The following ACE variants were observed in gnomAD, a reference collection of about 807,000 sequenced individuals.
The protein encoded by ACE is angiotensin-converting enzyme.
Under a neutral mutation model 162.3 loss-of-function variants are expected in ACE, and 122 were observed. That is an observed-to-expected ratio of 0.75 (90% confidence interval 0.65 to 0.87). The LOEUF is 0.87. Among genes scored for constraint, ACE ranks in the 40% least tolerant of loss-of-function variants. The pLI, the probability that ACE is intolerant of heterozygous loss-of-function variation, is 0.00. For missense variants in ACE, 1,799 were observed against 1,735.1 expected (o/e 1.04, Z -0.65); for synonymous variants, 796 against 720.6 (o/e 1.10, Z -1.68).
At position 63,490,910 on chromosome 17, in the gene ACE, C is replaced by T. The variant is rs1200149146; in HGVS notation, c.2642-44C>T. 3.2e-6 allele frequency: 5 copies of T among 1,585,890 alleles called. No individual in the cohort carries two copies. The Admixed American group carries it at 6.7e-5, about 21-fold the overall frequency. On this transcript the variant is annotated intron_variant, in intron 17 of 24. Coordinates refer to ENST00000290866, the MANE Select transcript of ACE (RefSeq NM_000789.4). ...GCAGGAGGGCATTGAGCCTAAGTAA[C>T]ATTTGTCTTTCCTCTCTCTGCCGTC... is the stretch of plus-strand genomic sequence containing the variant.
Position 63,497,843 on chromosome 17 carries a change from C to T in ACE, c.*477C>T. The T allele has an allele frequency of 2.9e-6, 1 of 339,276 alleles. No homozygotes were observed. Among genetic ancestry groups the T allele is most frequent in the Non-Finnish European group, 5.7e-6 (1 of 174,594 alleles). The allele number at this position is 339,276 out of a possible 1,614,324, so 21.0% of individuals were successfully genotyped here. A position where few individuals can be genotyped will look rare whatever the true frequency, so the allele number is the denominator to read the frequency against. ...TCCTGCCACCGCAGGCAGCCCCTGT[C>T]TGGCCCAAGCACTGACCCACGCGGA... On this transcript the variant is annotated 3_prime_UTR_variant, in exon 25 of 25. Coordinates refer to ENST00000290866, the MANE Select transcript of ACE (RefSeq NM_000789.4).
At chr17:63,494,306 C>A in intron 21 of ACE, 66 bp from the exon 22 acceptor site, 4 of 1,513,548 alleles carry the variant, frequency 2.6e-6, no homozygotes, top group South Asian at 1.1e-5. Context: ...TCCCTCAAGT[C>A]AAAAATGCCA....
intron 7 of ACE, 132 bp from the exon 8 acceptor site, chr17:63,482,334 T>C (rs1341490245): frequency 2.6e-6 from 2 of 767,026 alleles, no homozygotes; most frequent in Non-Finnish European, 4.5e-6. Context: ...GTTACTTGTT[T>C]CTACTGCGGC....
At position 63,491,101 on chromosome 17, in the gene ACE, C is replaced by T. The variant is rs776828504; in HGVS notation, c.2739+50C>T. ...AGGCCCCGCCGGGATGGGAGGGACC[C>T]TCTGATTCAGGAGTTCCCTCCAGTT... On this transcript the variant is annotated intron_variant, in intron 18 of 24. Transcript: ENST00000290866. This position sits in a 1 kb window ranked among gnomAD's most constrained non-coding sequence, Gnocchi z 4.4. 3.1e-6 allele frequency: 5 copies of T among 1,610,442 alleles called. No individual in the cohort carries two copies. Among genetic ancestry groups the T allele is most frequent in the Non-Finnish European group, 4.2e-6 (5 of 1,177,102 alleles).
intron 22 of ACE, among the ~76,000 whole-genome samples, chr17:63,495,276 T>C (rs1369170838): frequency 6.6e-6 from 1 of 152,144 alleles, no homozygotes; most frequent in Non-Finnish European, 1.5e-5. Flanking sequence ...GCAAGGCTGT[T>C]TGTGATCCGG....
rs546822379 is a variant in ACE at position 63,479,703 on chromosome 17, T to C, written c.512-66T>C. ...GAGCAGTAAGGACTGGTGCAGGCTC[T>C]GGTGAAGGCCGTTGAAGACTTCAAC... On this transcript the variant is annotated intron_variant, in intron 3 of 24. Transcript: ENST00000290866. The C allele has an allele frequency of 3.6e-4, 570 of 1,600,908 alleles. 8 individuals carry two copies. In the South Asian group the frequency reaches 6.0e-3, roughly 17 times the overall value.
rs775470950 is a variant in ACE at position 63,484,955 on chromosome 17, GAGGCATCCCAAC to G, written c.1922-277_1922-266del. On this transcript the variant is annotated intron_variant, in intron 12 of 24. Transcript: ENST00000290866. The surrounding 1 kb of genome is among the most constrained non-coding windows in gnomAD (Gnocchi z 4.0). ...GCACCCTCTGCTGGTCCCCAGCCAGGAGGCATCCCAACAGGTGACAGTCACCCATGGGACAAG... is the reference window on the plus strand; with the variant it reads ...GCACCCTCTGCTGGTCCCCAGCCAGGAGGTGACAGTCACCCATGGGACAAG... 5 of 1,602,586 alleles carry G rather than the reference GAGGCATCCCAAC, an allele frequency of 3.1e-6. No homozygotes were observed.
rs2029861446 is a variant in ACE, at chr17:63,483,922, C to T, written c.1660C>T (p.Leu554=). The T allele has an allele frequency of 6.2e-7, 1 of 1,614,168 alleles. No homozygotes were observed. Among genetic ancestry groups the T allele is most frequent in the Non-Finnish European group, 8.5e-7 (1 of 1,180,040 alleles). Residue 554 remains leucine (L), a synonymous_variant, in exon 11 of 25, where the codon CTG becomes TTG. Transcript: ENST00000290866. ...CAAGGAGGCAGGCTATGAGGGCCCA[C>T]TGCACCAGTGTGACATCTACCGGTC... ...LCKEAGYEGP[L]HQCDIYRSTK... is the part of the protein sequence containing the mutation.
intron 6 of ACE, 117 bp from the exon 7 acceptor site, chr17:63,481,449 C>A: frequency 8.4e-7 from 1 of 1,186,450 alleles, no homozygotes; most frequent in Non-Finnish European, 1.2e-6. Context: ...GGAATGGTGG[C>A]CACAGAGCAG....
At chr17:63,481,977 G>T (rs964138279) in intron 7 of ACE, among the ~76,000 whole-genome samples, 3 of 152,178 alleles carry the variant, frequency 2.0e-5, no homozygotes, top group Non-Finnish European at 4.4e-5. Flanking sequence ...AGGCCCAAGT[G>T]GTGGTGAGCC....
intron 6 of ACE, 149 bp downstream of exon 6, chr17:63,481,337 C>A: frequency 1.1e-6 from 1 of 910,498 alleles, no homozygotes; most frequent in Non-Finnish European, 1.7e-6. Context: ...GGTCGGCCCC[C>A]TCAGTGAGGT....
chr17:63,497,287 T>C lies in ACE; in HGVS notation c.3842T>C (p.Phe1281Ser), dbSNP rs1393052928. 6.4e-7 allele frequency: 1 copy of C among 1,555,060 alleles called. No individual in the cohort carries two copies. The highest frequency in any genetic ancestry group is 2.4e-5 in the East Asian group (1 of 41,754). ...VATLGLSQRL[F>S]SIRHRSLHRH... ...ACCCTGGGCCTCAGCCAGCGGCTCT[T>C]CAGCATCCGCCACCGCAGCCTCCAC... Residue 1281 changes from phenylalanine to serine, a missense_variant, in exon 25 of 25, where the codon TTC becomes TCC. Transcript: ENST00000290866.
rs777561376 is a variant in ACE, at chr17:63,497,161, A to G, written c.3716A>G (p.Asp1239Gly). 4 of 1,604,148 alleles carry G rather than the reference A, an allele frequency of 2.5e-6. No individual in the cohort carries two copies. Among genetic ancestry groups the G allele is most frequent in the Non-Finnish European group, 3.4e-6 (4 of 1,179,278 alleles). ...GCTCGCTCAGAAGGGCCCCTCCCAG[A>G]CAGCGGCCGCGTCAGCTTCCTGGGC... ...NSARSEGPLP[D>G]SGRVSFLGLD... The change falls in exon 25 of 25, where the codon GAC (aspartate) becomes GGC (glycine). Residue 1239 changes from aspartate (D) to glycine (G), a missense_variant. Transcript: ENST00000290866.
At position 63,489,033 on chromosome 17, in the gene ACE, C is replaced by G. The variant is rs1263864253; in HGVS notation, c.2542C>G (p.Leu848Val). The change falls in exon 17 of 25, where the codon CTC becomes GTC. Residue 848 changes from leucine (L) to valine (V), a missense_variant. By Grantham distance (32) the Leu-to-Val change is conservative. Transcript: ENST00000290866. The part of the protein sequence containing the change: ...LERLFQELQP[L>V]YLNLHAYVRR... ...GCGGCTCTTCCAGGAGCTGCAGCCACTCTACCTCAACCTGCATGCCTACGT... is the reference window on the plus strand; with the variant it reads ...GCGGCTCTTCCAGGAGCTGCAGCCAGTCTACCTCAACCTGCATGCCTACGT... 5 of 1,614,084 alleles carry G rather than the reference C, an allele frequency of 3.1e-6. No individual in the cohort carries two copies. Among genetic ancestry groups the G allele is most frequent in the Non-Finnish European group, 4.2e-6 (5 of 1,180,050 alleles).
chr17:63,496,241 C>G, intron 22 of ACE, 153 bp from the exon 23 acceptor site: 1 of 1,158,438 alleles, frequency 8.6e-7, no homozygotes, highest in Non-Finnish European at 1.3e-6. Flanking sequence ...GGGAGCTCAC[C>G]CTGATAGCTG....
chr17:63,478,912 A>G (rs2049661547), intron 2 of ACE, 95 bp from the exon 3 acceptor site: 3 of 1,059,988 alleles, frequency 2.8e-6, no homozygotes, highest in Admixed American at 2.0e-5. Context: ...TGTCCAAGCT[A>G]CATCCACTCT....
In ACE at chr17:63,497,844, T is replaced by TAATGATAC; in HGVS notation, c.*478_*479insAATGATAC. On this transcript the variant is annotated 3_prime_UTR_variant, in exon 25 of 25. Transcript: ENST00000290866. The stretch of plus-strand genomic sequence containing the variant: ...CCTGCCACCGCAGGCAGCCCCTGTC[T>TAATGATAC]GGCCCAAGCACTGACCCACGCGGAC... 1 of 336,978 alleles carries TAATGATAC rather than the reference T, an allele frequency of 3.0e-6. No individual in the cohort carries two copies. Among genetic ancestry groups the TAATGATAC allele is most frequent in the Non-Finnish European group, 5.8e-6 (1 of 173,138 alleles). 20.9% of individuals were successfully genotyped at this position (336,978 alleles called of 1,614,324 possible). A position where few individuals can be genotyped will look rare whatever the true frequency, so the allele number is the denominator to read the frequency against.
In ACE at chr17:63,479,869, C is replaced by T. The variant is rs773489735; in HGVS notation, c.612C>T (p.Tyr204=). 38 of 1,612,580 alleles carry T rather than the reference C, an allele frequency of 2.4e-5. No individual in the cohort carries two copies. The highest frequency in any genetic ancestry group is 4.5e-5 in the East Asian group (2 of 44,904). The change falls in exon 4 of 25, where the codon TAC becomes TAT. Residue 204 remains tyrosine, a synonymous_variant. Transcript: ENST00000290866. ...NAAGIPLKPL[Y]EDFTALSNEA... The stretch of plus-strand genomic sequence containing the variant: ...CGGGCATCCCGCTGAAACCGCTGTA[C>T]GAGGATTTCACTGCCCTCAGCAATG...
intron 1 of ACE, chr17:63,477,550 G>A (rs547466255): frequency 2.7e-4 from 92 of 342,510 alleles, no homozygotes; most frequent in African/African-American, 2.0e-3. Flanking sequence ...GGATGGATGA[G>A]GGTGGCTGCT....
Sources: allele counts gnomAD v4.1 joint callset (sites outside exome capture counted in the v4.1 genomes callset), GRCh38; gene constraint gnomAD v4.1.1; non-coding constraint Gnocchi (gnomAD v3.1); transcripts MANE v1.5; gene names NCBI Gene and HGNC (gene_info 2026-07-23, HGNC 2026-07-21).